The following RAPGEFL1 variants were observed in gnomAD, a reference collection of about 807,000 sequenced individuals.
RAPGEFL1 encodes rap guanine nucleotide exchange factor-like 1.
A neutral mutation model predicts 64.4 loss-of-function variants in RAPGEFL1; 31 were observed. The ratio of observed to expected loss-of-function variants is 0.48; its 90% CI spans 0.36 to 0.65. The LOEUF (loss-of-function observed/expected upper bound fraction) is 0.65. Among genes scored for constraint, RAPGEFL1 ranks in the 30% least tolerant of loss-of-function variants. The pLI is 0.00. For synonymous variants in RAPGEFL1, 331 were observed against 274.1 expected, an observed-to-expected ratio of 1.21 and a Z score of -2.05; for missense variants, 682 against 677.4, an observed-to-expected ratio of 1.01 and a Z score of -0.08.
intron 6 of RAPGEFL1, among the ~76,000 whole-genome samples, chr17:40,190,125 A>G (rs561823904): frequency 1.3e-5 from 2 of 152,348 alleles, no homozygotes; most frequent in East Asian, 3.9e-4. Flanking sequence ...GCAGAAAGCC[A>G]GCAATGTCAC....
In RAPGEFL1 at chr17:40,193,804, TC is replaced by T; in HGVS notation, c.*17del. ...CAGTCAGTGAGAGTGGAGGCTCCAG[TC>T]AGACCCGCCAGATCCTTGGGCACCT... is the stretch of plus-strand genomic sequence containing the variant. On this transcript the variant is annotated 3_prime_UTR_variant, in exon 15 of 15. Coordinates refer to ENST00000620260, the MANE Select transcript of RAPGEFL1 (RefSeq NM_016339.6). The T allele has an allele frequency of 3.7e-6, 6 of 1,613,754 alleles. No homozygotes were observed. Among genetic ancestry groups the T allele is most frequent in the Non-Finnish European group, 3.4e-6 (4 of 1,179,902 alleles).
Position 40,189,282 on chromosome 17 carries a change from A to G in RAPGEFL1, c.1021A>G (p.Ile341Val). 6.2e-7 allele frequency: 1 copy of G among 1,614,124 alleles called. No homozygotes were observed. Among genetic ancestry groups the G allele is most frequent in the Non-Finnish European group, 8.5e-7 (1 of 1,179,974 alleles). Reference sequence around the variant, plus strand: ...CCGCCTTTCAGCATCTGTGCAGGACATTCTGGGCTCTGTGACGGAGAAACT... The same window carrying G: ...CCGCCTTTCAGCATCTGTGCAGGACGTTCTGGGCTCTGTGACGGAGAAACT... ...RSRLSASVQD[I>V]LGSVTEKLQY... Residue 341 changes from isoleucine to valine, a missense_variant, in exon 6 of 15, where the codon ATT (isoleucine) becomes GTT (valine). Coordinates refer to ENST00000620260, the MANE Select transcript of RAPGEFL1 (RefSeq NM_016339.6).
chr17:40,186,118 A>G (rs1990063225), intron 4 of RAPGEFL1, among the ~76,000 whole-genome samples: 1 of 151,014 alleles, frequency 6.6e-6, no homozygotes, highest in Admixed American at 6.6e-5. Context: ...TACTAAAAAT[A>G]CAAAAATTAG....
rs1368651356 is a variant in RAPGEFL1 at position 40,191,903 on chromosome 17, G to A, written c.1605+231G>A. Among the ~76,000 whole-genome samples the A allele has an allele frequency of 6.6e-6, 1 of 152,224 alleles. No homozygotes were observed. Among genetic ancestry groups the A allele is most frequent in the Non-Finnish European group, 1.5e-5 (1 of 68,038 alleles). ...CCTGAGTCACGGCAGGCAGCCCTTG[G>A]CCAGGTCAGGTCGCAGACTTGGCTG... On this transcript the variant is annotated intron_variant, in intron 10 of 14. Transcript: ENST00000620260. This position sits in a 1 kb window ranked among gnomAD's most constrained non-coding sequence, Gnocchi z 5.1.
chr17:40,194,036 G>A lies in RAPGEFL1; in HGVS notation c.*248G>A. ...TCCCCTCTGAGAAAGGGGATAGAAA[G>A]CTCCTTCCTCTATGTCCTCCCATCG... On this transcript the variant is annotated 3_prime_UTR_variant, in exon 15 of 15. Transcript: ENST00000620260. The A allele has an allele frequency of 2.2e-6, 1 of 456,892 alleles. No homozygotes were observed. The highest frequency in any genetic ancestry group is 4.0e-6 in the Non-Finnish European group (1 of 250,010). The allele number at this position is 456,892 out of a possible 1,614,324, so 28.3% of individuals were successfully genotyped here.
rs777869694 is a variant in RAPGEFL1 at position 40,181,343 on chromosome 17, C to T, written c.521-273C>T. 59 of 578,560 alleles carry T rather than the reference C, an allele frequency of 1.0e-4. No individual in the cohort carries two copies. The Middle Eastern group carries it at 4.8e-3, about 47-fold the overall frequency. The allele number at this position is 578,560 out of a possible 1,614,324, so 35.8% of individuals were successfully genotyped here. A position where few individuals can be genotyped will look rare whatever the true frequency, so the allele number is the denominator to read the frequency against. On this transcript the variant is annotated intron_variant, in intron 1 of 14. Transcript: ENST00000620260. ...TGTTATCTGACCAACTTCCCACATA[C>T]GCTGAAGAGAAGTGCACATGGCCAT...
At chr17:40,192,552 C>G in intron 11 of RAPGEFL1, 54 bp from the exon 12 acceptor site, 1 of 1,453,488 alleles carries the variant, frequency 6.9e-7, no homozygotes, top group Non-Finnish European at 9.6e-7. Flanking sequence ...CTGAGGACAT[C>G]TTTGGGATGC....
At chr17:40,183,518 C>CTTTTTTTTTTT (rs760848897) in intron 2 of RAPGEFL1, among the ~76,000 whole-genome samples, 5 of 130,160 alleles carry the variant, frequency 3.8e-5, no homozygotes, top group Non-Finnish European at 5.0e-5. Context: ...CTTTTCTTTT[C>CTTTTTTTTTTT]TTTTTTTTTT....
intron 14 of RAPGEFL1, 97 bp downstream of exon 14, chr17:40,193,514 A>G (rs1990351639): frequency 6.4e-7 from 1 of 1,574,616 alleles, no homozygotes; most frequent in African/African-American, 1.4e-5. Flanking sequence ...ATTTCCATAC[A>G]CTTGCTGGTT....
intron 4 of RAPGEFL1, among the ~76,000 whole-genome samples, chr17:40,186,712 G>A (rs1408695852): frequency 2.0e-5 from 3 of 149,428 alleles, no homozygotes; most frequent in Non-Finnish European, 4.4e-5. Flanking sequence ...TGGCCAACAC[G>A]GTGAAACCCT....
chr17:40,184,491 T>A, intron 3 of RAPGEFL1, 90 bp from the exon 4 acceptor site: 1 of 1,131,116 alleles, frequency 8.8e-7, no homozygotes, highest in Non-Finnish European at 1.3e-6. Context: ...CTCCTGTGCT[T>A]AAAGGTATGG....
chr17:40,192,194 C>T lies in RAPGEFL1; in HGVS notation c.1606-19C>T. ...GAGCTCCACTCTGATATCCCTTCTC[C>T]TTCCTTCAAACTCTGCAGAAGCTGC... On this transcript the variant is annotated intron_variant, in intron 10 of 14. Transcript: ENST00000620260. 6.2e-7 allele frequency: 1 copy of T among 1,612,058 alleles called. No homozygotes were observed. Among genetic ancestry groups the T allele is most frequent in the African/African-American group, 1.3e-5 (1 of 74,994 alleles).
rs990827892 is a variant in RAPGEFL1 at position 40,184,757 on chromosome 17, A to T, written c.833+79A>T. 6.4e-6 allele frequency: 5 copies of T among 784,316 alleles called. No homozygotes were observed. The African/African-American group carries it at 8.9e-5, about 14-fold the overall frequency. 48.6% of individuals were successfully genotyped at this position (784,316 alleles called of 1,614,324 possible). A position where few individuals can be genotyped will look rare whatever the true frequency, so the allele number is the denominator to read the frequency against. On this transcript the variant is annotated intron_variant, in intron 4 of 14. Transcript: ENST00000620260. ...CTACTACAGGGGCTGCCTCTGGCCT[A>T]TTGGCTGCAATATGGATTTGCTTGT...
At position 40,192,917 on chromosome 17, in the gene RAPGEFL1, A is replaced by C. The variant is rs780475689; in HGVS notation, c.1745-9A>C. On this transcript the variant is annotated splice_polypyrimidine_tract_variant and intron_variant, in intron 12 of 14. Transcript: ENST00000620260. ...TTTCCTCACATTGGATTCTCTCCAC[A>C]TCCCCTAGACCTGACTTTCCTGCAC... 4 of 1,609,148 alleles carry C rather than the reference A, an allele frequency of 2.5e-6. No individual in the cohort carries two copies. The South Asian group carries it at 3.3e-5, about 13-fold the overall frequency.
upstream of RAPGEFL1, chr17:40,177,370 C>A (rs1163593023): frequency 1.6e-5 from 11 of 679,706 alleles, no homozygotes; most frequent in Middle Eastern, 7.0e-4. Context: ...AACCCCAGCG[C>A]GCGAGTTCAA....
At chr17:40,179,497 G>C (rs1187247611) in intron 1 of RAPGEFL1, among the ~76,000 whole-genome samples, 2 of 131,960 alleles carry the variant, frequency 1.5e-5, no homozygotes, top group Non-Finnish European at 3.1e-5. Flanking sequence ...TGGGATTACA[G>C]GCGTGAGCCA....
At position 40,191,038 on chromosome 17, in the gene RAPGEFL1, A is replaced by G; in HGVS notation, c.1335+276A>G. 1 of 596,070 alleles carries G rather than the reference A, an allele frequency of 1.7e-6. No homozygotes were observed. The highest frequency in any genetic ancestry group is 2.9e-6 in the Non-Finnish European group (1 of 345,670). The allele number at this position is 596,070 out of a possible 1,614,324, so 36.9% of individuals were successfully genotyped here. On this transcript the variant is annotated intron_variant, in intron 8 of 14. Coordinates refer to ENST00000620260, the MANE Select transcript of RAPGEFL1 (RefSeq NM_016339.6). The surrounding 1 kb of genome is among the most constrained non-coding windows in gnomAD (Gnocchi z 5.1). ...CTATTAAAGAAATAAAATAAGGCAG[A>G]GACAATAATGCCTAGCAGATGGTTG...
At chr17:40,188,621 T>C in intron 4 of RAPGEFL1, 1 of 533,288 alleles carries the variant, frequency 1.9e-6, no homozygotes, top group Non-Finnish European at 3.4e-6. Flanking sequence ...GAGAAGAAAG[T>C]GACCTTCCTG....
intron 3 of RAPGEFL1, 35 bp downstream of exon 3, chr17:40,184,384 C>G (rs1318202295): frequency 6.4e-7 from 1 of 1,561,366 alleles, no homozygotes; most frequent in African/African-American, 1.4e-5. Flanking sequence ...GGTAAACAGG[C>G]TATTAGCTCT....
Sources: gnomAD v4.1 joint callset for allele counts (sites outside exome capture counted in the v4.1 genomes callset) on GRCh38, gnomAD v4.1.1 for gene constraint, Gnocchi (gnomAD v3.1) non-coding constraint, MANE v1.5 for transcripts, NCBI Gene and HGNC (gene_info 2026-07-23, HGNC 2026-07-21) for gene names.